The following C2CD5 variants were observed in gnomAD, a reference collection of about 807,000 sequenced individuals.
The protein encoded by C2CD5 is C2 calcium dependent domain containing 5, also known as C2 domain-containing protein 5.
Under a neutral mutation model 130.3 loss-of-function variants are expected in C2CD5, and 109 were observed. That is an observed-to-expected ratio of 0.84 (90% CI 0.72 to 0.98). The LOEUF is 0.98. C2CD5 is among the 50% of genes least tolerant of loss of function. The pLI is 0.00. For synonymous variants in C2CD5, 454 were observed against 429.2 expected (o/e 1.06, Z -0.71); for missense variants, 996 against 1,261.8 (o/e 0.79, Z 3.19).
chr12:22,497,907 T>TACACACACATAC (rs1555191766), intron 10 of C2CD5, among the ~76,000 whole-genome samples: 1 of 145,614 alleles, frequency 6.9e-6, no homozygotes, highest in African/African-American at 2.5e-5. Context: ...TGCACACACA[T>TACACACACATAC]ACACACACAC....
At chr12:22,533,124 C>T (rs548480480) in intron 3 of C2CD5, among the ~76,000 whole-genome samples, 21 of 152,048 alleles carry the variant, frequency 1.4e-4, no homozygotes, top group African/African-American at 5.1e-4. Context: ...ATTGCTGGCA[C>T]AGGGAACAAT....
intron 3 of C2CD5, among the ~76,000 whole-genome samples, chr12:22,531,598 G>GA (rs1951281506): frequency 6.6e-6 from 1 of 152,112 alleles, no homozygotes; most frequent in African/African-American, 2.4e-5. Context: ...AAAAGAGGAG[G>GA]AGTTTACAGA....
intron 11 of C2CD5, among the ~76,000 whole-genome samples, chr12:22,491,669 C>T (rs1446333015): frequency 6.6e-6 from 1 of 151,902 alleles, no homozygotes; most frequent in Non-Finnish European, 1.5e-5. Flanking sequence ...GTCAGGAGTT[C>T]GAGATCAGCC....
chr12:22,532,448 T>C (rs1040949651), intron 3 of C2CD5, among the ~76,000 whole-genome samples: 22 of 152,214 alleles, frequency 1.4e-4, no homozygotes, highest in African/African-American at 2.2e-4. Flanking sequence ...GAATTCATGT[T>C]TGAAAAAAAA....
At position 22,544,164 on chromosome 12, in the gene C2CD5, G is replaced by A. The variant is rs1285876157; in HGVS notation, c.-14C>T. The A allele has an allele frequency of 6.2e-7, 1 of 1,613,452 alleles. No homozygotes were observed. Among genetic ancestry groups the A allele is most frequent in the Non-Finnish European group, 8.5e-7 (1 of 1,179,460 alleles). On this transcript the variant is annotated 5_prime_UTR_variant, in exon 2 of 27. Coordinates refer to ENST00000446597, the MANE Select transcript of C2CD5 (RefSeq NM_001286176.2). ...CTTCCCTGGCATGGTCTCGGTTTCG[G>A]CCTCTTCTTGGGCTCCTGCAGAAAC...
At chr12:22,530,076 C>CTATA (rs918605281) in intron 3 of C2CD5, among the ~76,000 whole-genome samples, 2,440 of 76,924 alleles carry the variant, frequency 0.032, 63 homozygotes, top group Non-Finnish European at 0.041. Flanking sequence ...TATTTGAGTG[C>CTATA]TATATATATA....
intron 26 of C2CD5, among the ~76,000 whole-genome samples, chr12:22,450,104 T>C (rs1938224356): frequency 6.6e-6 from 1 of 152,080 alleles, no homozygotes; most frequent in Non-Finnish European, 1.5e-5. Context: ...GAAAACATAT[T>C]CAAGCCCGCT....
intron 23 of C2CD5, chr12:22,458,901 T>A (rs1940532817): frequency 5.4e-6 from 1 of 184,630 alleles, no homozygotes. Flanking sequence ...CTAACTTTAT[T>A]TCCTATTCTT....
intron 9 of C2CD5, among the ~76,000 whole-genome samples, chr12:22,509,768 T>A (rs932503527): frequency 6.6e-6 from 1 of 152,240 alleles, no homozygotes; most frequent in East Asian, 1.9e-4. Context: ...CCATTTTTTA[T>A]ATGAAAAACT....
intron 22 of C2CD5, among the ~76,000 whole-genome samples, chr12:22,462,353 C>T (rs1941322085): frequency 6.6e-6 from 1 of 152,152 alleles, no homozygotes; most frequent in Admixed American, 6.5e-5. Context: ...CAACAGTCTG[C>T]TTCTATTATA....
chr12:22,489,038 G>A (rs988210552), intron 12 of C2CD5, among the ~76,000 whole-genome samples: 14 of 151,674 alleles, frequency 9.2e-5, no homozygotes, highest in South Asian at 8.3e-4. Context: ...ATCACACCAG[G>A]CTAATTTTTG....
chr12:22,530,390 A>G (rs1010526835), intron 3 of C2CD5, among the ~76,000 whole-genome samples: 1 of 151,666 alleles, frequency 6.6e-6, no homozygotes, highest in Non-Finnish European at 1.5e-5. Context: ...CTATAAACAC[A>G]AAGTTTTAAG....
chr12:22,464,761 A>G (rs1169761876), intron 22 of C2CD5, among the ~76,000 whole-genome samples: 1 of 152,190 alleles, frequency 6.6e-6, no homozygotes, highest in Admixed American at 6.6e-5. Context: ...TTTTTAAAAA[A>G]TAGTAATAAC....
intron 3 of C2CD5, among the ~76,000 whole-genome samples, chr12:22,529,388 A>G (rs1027473025): frequency 3.3e-5 from 5 of 152,176 alleles, no homozygotes; most frequent in African/African-American, 1.2e-4. Flanking sequence ...TACTCTCTGT[A>G]TATACTTATT....
At chr12:22,485,471 C>T (rs1394718531) in intron 12 of C2CD5, among the ~76,000 whole-genome samples, 2 of 151,258 alleles carry the variant, frequency 1.3e-5, no homozygotes, top group East Asian at 1.9e-4. Flanking sequence ...CTACTAGGTA[C>T]CCCCCAAAAT....
chr12:22,454,086 T>C, intron 25 of C2CD5, 44 bp from the exon 26 acceptor site: 1 of 1,455,652 alleles, frequency 6.9e-7, no homozygotes, highest in Non-Finnish European at 9.6e-7. Flanking sequence ...TATACATGTG[T>C]ATGGATATAG....
chr12:22,468,389 T>C (rs1942457177), intron 22 of C2CD5, among the ~76,000 whole-genome samples: 1 of 152,172 alleles, frequency 6.6e-6, no homozygotes, highest in Non-Finnish European at 1.5e-5. Context: ...CAGCTCATTA[T>C]TTATTTTTTG....
In C2CD5 at chr12:22,506,748, T is replaced by C; in HGVS notation, c.1110A>G (p.Ala370=). The change falls in exon 10 of 27, where the codon GCA becomes GCG. Residue 370 remains alanine (A), a synonymous_variant. Coordinates refer to ENST00000446597, the MANE Select transcript of C2CD5 (RefSeq NM_001286176.2). ...TACGATCCAAAAGCTTCACAGAACG[T>C]GCACTAACTACACCCCCAACGTGTA... ...FLVHVGGVVS[A]RSVKLLDRIH... The C allele has an allele frequency of 6.2e-7, 1 of 1,611,170 alleles. No individual in the cohort carries two copies. The highest frequency in any genetic ancestry group is 8.5e-7 in the Non-Finnish European group (1 of 1,177,364).
chr12:22,459,613 T>C, intron 22 of C2CD5, 71 bp from the exon 23 acceptor site: 2 of 903,564 alleles, frequency 2.2e-6, no homozygotes, highest in East Asian at 2.7e-5. Context: ...TTGTTATTTG[T>C]TAATACCTCT....
Sources: allele counts gnomAD v4.1 joint callset (sites outside exome capture counted in the v4.1 genomes callset), GRCh38; gene constraint gnomAD v4.1.1; transcripts MANE v1.5; gene names NCBI Gene and HGNC (gene_info 2026-07-23, HGNC 2026-07-21).